Variants in JAKMIP2 observed in about 807,000 individuals in gnomAD.
The protein encoded by JAKMIP2 is janus kinase and microtubule-interacting protein 2.
Under a neutral mutation model 115.0 loss-of-function variants are expected in JAKMIP2, and 25 were observed. The ratio of observed to expected loss-of-function variants is 0.22; its 90% CI spans 0.16 to 0.30. The LOEUF (loss-of-function observed/expected upper bound fraction) is 0.30, where lower values mean the gene tolerates loss of function less well. Ranked by LOEUF, JAKMIP2 falls within the 10% of genes least tolerant of loss-of-function variation. The pLI is 1.00. For missense variants in JAKMIP2, 642 were observed against 957.6 expected (o/e 0.67, Z 4.35); for synonymous variants, 334 against 343.6 (o/e 0.97, Z 0.31).
At chr5:147,608,799 G>C (rs921896604) in intron 20 of JAKMIP2, among the ~76,000 whole-genome samples, 2 of 152,140 alleles carry the variant, frequency 1.3e-5, no homozygotes, top group African/African-American at 2.4e-5. Flanking sequence ...CTATTAACGT[G>C]TGTGAGTCTA....
At chr5:147,677,319 C>T (rs970268780) in intron 1 of JAKMIP2, among the ~76,000 whole-genome samples, 4 of 152,206 alleles carry the variant, frequency 2.6e-5, no homozygotes, top group Non-Finnish European at 5.9e-5. Flanking sequence ...CCTATAAGCG[C>T]TGTCTTCAAG....
At chr5:147,648,508 A>G (rs757510165) in intron 4 of JAKMIP2, 34 bp from the exon 5 acceptor site, 5 of 1,194,882 alleles carry the variant, frequency 4.2e-6, no homozygotes, top group Non-Finnish European at 6.2e-6. Context: ...TATTTCTTCA[A>G]CAACACTTTT....
intron 9 of JAKMIP2, 148 bp from the exon 10 acceptor site, chr5:147,639,908 T>C: frequency 1.3e-6 from 1 of 771,956 alleles, no homozygotes; most frequent in Non-Finnish European, 2.0e-6. Context: ...CTGAAGTGTA[T>C]ATACGGGCAC....
At chr5:147,703,717 G>A (rs772712728) in intron 1 of JAKMIP2, among the ~76,000 whole-genome samples, 4 of 151,290 alleles carry the variant, frequency 2.6e-5, no homozygotes, top group Non-Finnish European at 4.4e-5. Context: ...GAGCCACTGT[G>A]CTTGGCCTTT....
intron 1 of JAKMIP2, among the ~76,000 whole-genome samples, chr5:147,674,890 T>C (rs949230074): frequency 3.3e-5 from 5 of 152,112 alleles, no homozygotes; most frequent in Admixed American, 2.0e-4. Flanking sequence ...TTATGGAAGA[T>C]GGTGGAAGAA....
chr5:147,642,998 C>T (rs1369417761), intron 7 of JAKMIP2, among the ~76,000 whole-genome samples: 2 of 152,080 alleles, frequency 1.3e-5, no homozygotes, highest in African/African-American at 2.4e-5. Flanking sequence ...TGCCCTGGAA[C>T]ATCAGACTCC....
intron 1 of JAKMIP2, among the ~76,000 whole-genome samples, chr5:147,692,141 G>A (rs1180575273): frequency 1.3e-5 from 2 of 152,280 alleles, no homozygotes; most frequent in Non-Finnish European, 2.9e-5. Flanking sequence ...GATGACTGAT[G>A]TCCTTTTAAA....
intron 21 of JAKMIP2, among the ~76,000 whole-genome samples, chr5:147,592,790 A>G (rs1205600608): frequency 1.3e-5 from 2 of 152,214 alleles, no homozygotes; most frequent in African/African-American, 4.8e-5. Context: ...TGTTAAAACC[A>G]CAATCTAAAG....
chr5:147,721,723 G>A (rs760563095), intron 1 of JAKMIP2, among the ~76,000 whole-genome samples: 35 of 152,162 alleles, frequency 2.3e-4, no homozygotes, highest in South Asian at 6.2e-4. Flanking sequence ...CACGGTGCGC[G>A]CACCCACTGA....
At chr5:147,637,901 A>T (rs1757699494) in intron 10 of JAKMIP2, among the ~76,000 whole-genome samples, 2 of 151,938 alleles carry the variant, frequency 1.3e-5, no homozygotes, top group African/African-American at 4.8e-5. Context: ...CTGCCTGTAA[A>T]CCCATTTTTT....
At chr5:147,720,862 C>G (rs1753246078) in intron 1 of JAKMIP2, among the ~76,000 whole-genome samples, 2 of 152,234 alleles carry the variant, frequency 1.3e-5, no homozygotes, top group Non-Finnish European at 2.9e-5. Context: ...CAAAGTCATT[C>G]TCCGTCCAGC....
At chr5:147,681,150 C>G (rs1189503444) in intron 1 of JAKMIP2, among the ~76,000 whole-genome samples, 2 of 152,076 alleles carry the variant, frequency 1.3e-5, no homozygotes, top group Non-Finnish European at 2.9e-5. Context: ...ATTTGGATCT[C>G]AGGTTTAAAA....
At chr5:147,688,826 A>T (rs1760697202) in intron 1 of JAKMIP2, among the ~76,000 whole-genome samples, 2 of 152,228 alleles carry the variant, frequency 1.3e-5, no homozygotes, top group Admixed American at 1.3e-4. Context: ...AATGCTGCAT[A>T]GCTGCCAAGC....
chr5:147,686,335 TG>T (rs112626855), intron 1 of JAKMIP2, among the ~76,000 whole-genome samples: 1,867 of 151,962 alleles, frequency 0.012, 49 homozygotes, highest in African/African-American at 0.043. Context: ...TCAGTGTTGG[TG>T]GGGGGGCACT....
At chr5:147,604,491 T>A (rs1255143517) in intron 20 of JAKMIP2, among the ~76,000 whole-genome samples, 1 of 152,062 alleles carries the variant, frequency 6.6e-6, no homozygotes, top group African/African-American at 2.4e-5. Context: ...CCACCCTATA[T>A]AAAAATCTGG....
chr5:147,726,236 C>A (rs1050935433), intron 1 of JAKMIP2, among the ~76,000 whole-genome samples: 2 of 152,186 alleles, frequency 1.3e-5, no homozygotes, highest in Non-Finnish European at 2.9e-5. Context: ...TTGAGCCTGG[C>A]CAGTTCAATA....
chr5:147,623,969 G>A (rs112722393), intron 16 of JAKMIP2, among the ~76,000 whole-genome samples: 7,454 of 151,896 alleles, frequency 0.049, 593 homozygotes, highest in African/African-American at 0.17. Context: ...CGAGTAGCTG[G>A]GATTACAGGC....
intron 1 of JAKMIP2, among the ~76,000 whole-genome samples, chr5:147,686,576 A>G (rs547819309): frequency 1.3e-5 from 2 of 152,320 alleles, no homozygotes. Flanking sequence ...TAGAAACTCT[A>G]AAATGTTTGC....
intron 17 of JAKMIP2, among the ~76,000 whole-genome samples, chr5:147,622,716 G>A (rs1364132551): frequency 2.6e-5 from 4 of 152,044 alleles, no homozygotes. Context: ...TATGAACATG[G>A]GTGTATAAAT....
Sources: allele counts gnomAD v4.1 joint callset (sites outside exome capture counted in the v4.1 genomes callset), GRCh38; gene constraint gnomAD v4.1.1; transcripts MANE v1.5; gene names NCBI Gene and HGNC (gene_info 2026-07-23, HGNC 2026-07-21).